SPRYD3: variants seen among roughly 807,000 people sequenced by gnomAD.
SPRYD3 encodes the protein SPRY domain containing 3, also known as SPRY domain-containing protein 3.
In SPRYD3, 17 loss-of-function variants were observed where a neutral mutation model predicts 50.1. The ratio of observed to expected loss-of-function variants is 0.34; its 90% CI spans 0.23 to 0.51. SPRYD3 has a LOEUF of 0.51. Among genes scored for constraint, SPRYD3 ranks in the 20% least tolerant of loss-of-function variants. The pLI is 0.97. For missense variants in SPRYD3, 401 were observed against 591.2 expected, an observed-to-expected ratio of 0.68 and a Z score of 3.34; for synonymous variants, 198 against 215.5, an observed-to-expected ratio of 0.92 and a Z score of 0.71.
Position 53,073,441 on chromosome 12 carries a change from C to G in SPRYD3, c.538G>C (p.Asp180His), listed in dbSNP as rs754065600. The G allele has an allele frequency of 4.5e-6, 7 of 1,564,538 alleles. No individual in the cohort carries two copies. Among genetic ancestry groups the G allele is most frequent in the South Asian group, 2.4e-5 (2 of 85,076 alleles). ...ATGCCCACTGCTGGGAACAGTCCAT[C>G]TGGGGACATGGGCATGATGGTAGAG... ...VGSTIMPMSP[D>H]GLFPAVGMHS... Residue 180 changes from aspartate (D) to histidine (H), a missense_variant, in exon 6 of 11, where the codon GAT (aspartate) becomes CAT (histidine). Transcript: ENST00000301463.
At chr12:53,070,419 G>A (rs1249220752) in intron 6 of SPRYD3, among the ~76,000 whole-genome samples, 1 of 152,160 alleles carries the variant, frequency 6.6e-6, no homozygotes, top group East Asian at 1.9e-4. Context: ...TAGCTGTTAG[G>A]AACCTAGAGG....
Position 53,065,835 on chromosome 12 carries a change from G to C in SPRYD3, c.1326C>G (p.Gly442=). ...KVKVDLHPLS[G] ...GAGCAGGTCTGGAGGGGAGGCCCTA[G>C]CCACTCAAGGGGTGCAGATCTACTT... The change falls in exon 11 of 11, where the codon GGC becomes GGG. Residue 442 remains glycine, a synonymous_variant. Coordinates refer to ENST00000301463, the MANE Select transcript of SPRYD3 (RefSeq NM_032840.3). 1 of 1,612,428 alleles carries C rather than the reference G, an allele frequency of 6.2e-7. No individual in the cohort carries two copies. Among genetic ancestry groups the C allele is most frequent in the Non-Finnish European group, 8.5e-7 (1 of 1,179,434 alleles).
In SPRYD3 at chr12:53,068,275, G is replaced by A. The variant is rs1331857152; in HGVS notation, c.723C>T (p.Ser241=). 1 of 1,614,048 alleles carries A rather than the reference G, an allele frequency of 6.2e-7. No individual in the cohort carries two copies. Among genetic ancestry groups the A allele is most frequent in the Non-Finnish European group, 8.5e-7 (1 of 1,180,046 alleles). Residue 241 remains serine (S), a synonymous_variant, in exon 7 of 11, where the codon AGC becomes AGT. Transcript: ENST00000301463. ...TLLEYLGKGK[S]IVDVGLAQAR... ...CCTGGGCCAGCCCCACATCCACGAT[G>A]CTTTTGCCCTTCCCTAAGTACTCCA...
intron 10 of SPRYD3, among the ~76,000 whole-genome samples, 160 bp downstream of exon 10, chr12:53,066,154 G>T (rs1249344768): frequency 2.0e-5 from 3 of 152,106 alleles, no homozygotes; most frequent in Non-Finnish European, 4.4e-5. Context: ...TCCCAAGACC[G>T]TCTCCCGATC....
chr12:53,073,438 C>T lies in SPRYD3; in HGVS notation c.541G>A (p.Gly181Arg), dbSNP rs1944564412. 6.4e-7 allele frequency: 1 copy of T among 1,564,396 alleles called. No individual in the cohort carries two copies. Among genetic ancestry groups the T allele is most frequent in the Admixed American group, 1.9e-5 (1 of 52,242 alleles). The change falls in exon 6 of 11, where the codon GGA becomes AGA. Residue 181 changes from glycine (G) to arginine (R), a missense_variant. Gly to Arg is a moderately radical substitution (Grantham distance 125, BLOSUM62 -2). Transcript: ENST00000301463. The stretch of plus-strand genomic sequence containing the variant: ...TGCATGCCCACTGCTGGGAACAGTC[C>T]ATCTGGGGACATGGGCATGATGGTA... ...GSTIMPMSPDGLFPAVGMHSL... is the reference protein window; with the variant it reads ...GSTIMPMSPDRLFPAVGMHSL...
chr12:53,066,554 C>T lies in SPRYD3; in HGVS notation c.1021+19G>A, dbSNP rs1446747500. Reference sequence around the variant, plus strand: ...CCTCGGCCCCAAGCAGCCTGGCTGGCCACCCCTACCCCACTCACCCTCACT... The same window carrying T: ...CCTCGGCCCCAAGCAGCCTGGCTGGTCACCCCTACCCCACTCACCCTCACT... On this transcript the variant is annotated intron_variant, in intron 9 of 10. Transcript: ENST00000301463. 4.3e-6 allele frequency: 7 copies of T among 1,613,664 alleles called. No homozygotes were observed. The African/African-American group carries it at 9.3e-5, about 22-fold the overall frequency.
Position 53,065,894 on chromosome 12 carries a change from T to C in SPRYD3, c.1267A>G (p.Thr423Ala). 1 of 1,614,010 alleles carries C rather than the reference T, an allele frequency of 6.2e-7. No individual in the cohort carries two copies. The highest frequency in any genetic ancestry group is 1.1e-5 in the South Asian group (1 of 91,080). ...TCCCCGCAGCTCAGCATTCCAATGG[T>C]GGGGAAGAAGCCTCCAGAAGGAACA... is the stretch of plus-strand genomic sequence containing the variant. Reference protein sequence around the residue: ...AVVPSGGFFPTIGMLSCGEKV... With the variant: ...AVVPSGGFFPAIGMLSCGEKV... The change falls in exon 11 of 11, where the codon ACC becomes GCC. Residue 423 changes from threonine (T) to alanine (A), a missense_variant. Thr to Ala is a moderately conservative substitution (Grantham distance 58, BLOSUM62 0). Coordinates refer to ENST00000301463, the MANE Select transcript of SPRYD3 (RefSeq NM_032840.3).
intron 6 of SPRYD3, among the ~76,000 whole-genome samples, chr12:53,071,969 G>A (rs1461156447): frequency 6.6e-6 from 1 of 152,128 alleles, no homozygotes; most frequent in Non-Finnish European, 1.5e-5. Context: ...TGGGGAGGAA[G>A]GAAGGCTATT....
At chr12:53,079,242 C>A (rs1189215685) in intron 1 of SPRYD3, 69 bp downstream of exon 1, 1 of 1,518,682 alleles carries the variant, frequency 6.6e-7, no homozygotes, top group African/African-American at 1.4e-5. Flanking sequence ...CGCCCAGGAC[C>A]CCCGCCTTCC....
chr12:53,073,332 T>TA lies in SPRYD3; in HGVS notation c.646dup (p.Tyr216LeufsTer4). The TA allele has an allele frequency of 7.0e-7, 1 of 1,422,278 alleles. No individual in the cohort carries two copies. The highest frequency in any genetic ancestry group is 9.4e-7 in the Non-Finnish European group (1 of 1,065,470). 88.1% of individuals were successfully genotyped at this position (1,422,278 alleles called of 1,614,324 possible). On this transcript the variant is annotated frameshift_variant, in exon 6 of 11. Coordinates refer to ENST00000301463, the MANE Select transcript of SPRYD3 (RefSeq NM_032840.3). LOFTEE classifies it high-confidence loss of function. The stretch of plus-strand genomic sequence containing the variant: ...ATGTAGCCGGCCCCATTCATCCTCG[T>TA]AACTGTCCACCATCATGACGCTGTC...
At chr12:53,073,256 G>GCCCCCGGGGGGGGGGGGCCCCCCCC in intron 6 of SPRYD3, 30 bp downstream of exon 6, 4 of 424,134 alleles carry the variant, frequency 9.4e-6, no homozygotes, top group Non-Finnish European at 1.3e-5. Context: ...CTCCGACCCA[G>GCCCCCGGGGGGGGGGGGCCCCCCCC]CCCCTCCCAC....
intron 2 of SPRYD3, 74 bp downstream of exon 2, chr12:53,077,041 T>TAAA: frequency 5.3e-6 from 6 of 1,132,972 alleles, no homozygotes; most frequent in Non-Finnish European, 7.3e-6. Flanking sequence ...AAATAAAAGT[T>TAAA]AAAAAAAAAA....
chr12:53,078,791 A>C (rs990134496), intron 1 of SPRYD3, among the ~76,000 whole-genome samples: 1 of 152,216 alleles, frequency 6.6e-6, no homozygotes, highest in Non-Finnish European at 1.5e-5. Flanking sequence ...ACACTGGGAC[A>C]GGGGTTTTCT....
intron 10 of SPRYD3, 48 bp from the exon 11 acceptor site, chr12:53,066,014 T>TTCCCTGAGGATG: frequency 6.3e-7 from 1 of 1,586,790 alleles, no homozygotes; most frequent in Non-Finnish European, 8.6e-7. Flanking sequence ...CTGTGGCCTC[T>TTCCCTGAGGATG]TCCCTGAGGA....
chr12:53,073,704 C>T (rs1157918991), intron 5 of SPRYD3, among the ~76,000 whole-genome samples: 3 of 151,910 alleles, frequency 2.0e-5, no homozygotes, highest in African/African-American at 7.3e-5. Context: ...ATTAGCCGGG[C>T]GTGGTGGCGG....
chr12:53,075,867 A>AGG, intron 2 of SPRYD3, 56 bp from the exon 3 acceptor site: 1 of 1,418,302 alleles, frequency 7.1e-7, no homozygotes, highest in Non-Finnish European at 1.0e-6. Flanking sequence ...GAGTAGGGGG[A>AGG]GGGCCTCAGC....
intron 5 of SPRYD3, 54 bp from the exon 6 acceptor site, chr12:53,073,525 C>T (rs1944565320): frequency 5.7e-6 from 8 of 1,406,852 alleles, no homozygotes; most frequent in Non-Finnish European, 6.7e-6. Context: ...CCATAGCTCA[C>T]CTAATTCTCA....
chr12:53,079,288 C>A (rs1317142910), intron 1 of SPRYD3, 23 bp downstream of exon 1: 1 of 1,601,736 alleles, frequency 6.2e-7, no homozygotes, highest in South Asian at 1.1e-5. Context: ...GCCTCCGGGA[C>A]CCCGCCCCCG....
intron 6 of SPRYD3, among the ~76,000 whole-genome samples, chr12:53,070,889 A>G (rs1944544615): frequency 6.6e-6 from 1 of 152,198 alleles, no homozygotes; most frequent in Non-Finnish European, 1.5e-5. Context: ...GTGGGGGAAG[A>G]TGGAGCCCTT....
Sources: allele counts gnomAD v4.1 joint callset (sites outside exome capture counted in the v4.1 genomes callset), GRCh38; gene constraint gnomAD v4.1.1; transcripts MANE v1.5; gene names NCBI Gene and HGNC (gene_info 2026-07-23, HGNC 2026-07-21).